Variants in KCNV2 observed in about 807,000 individuals in gnomAD.
KCNV2 encodes the protein potassium voltage-gated channel subfamily V member 2.
A neutral mutation model predicts 37.0 loss-of-function variants in KCNV2; 65 were observed. The ratio of observed to expected loss-of-function variants is 1.76; its 90% confidence interval spans 1.44 to 2.16. The LOEUF is 2.16. KCNV2 is among the 30% of genes most tolerant of loss of function. The pLI is 0.00. For synonymous variants in KCNV2, 518 were observed against 328.6 expected, an observed-to-expected ratio of 1.58 and a Z score of -6.23; for missense variants, 1,232 against 766.7, an observed-to-expected ratio of 1.61 and a Z score of -7.17.
In KCNV2 at chr9:2,717,652, C is replaced by G; in HGVS notation, c.-88C>G. 1 of 1,559,138 alleles carries G rather than the reference C, an allele frequency of 6.4e-7. No individual in the cohort carries two copies. The highest frequency in any genetic ancestry group is 8.8e-7 in the Non-Finnish European group (1 of 1,132,938). Reference sequence around the variant, plus strand: ...GGCCTCTCTAAGACAGTGCAGGCCACGTGATCCATCCTCCTAGAGGCAGTG... The same window carrying G: ...GGCCTCTCTAAGACAGTGCAGGCCAGGTGATCCATCCTCCTAGAGGCAGTG... On this transcript the variant is annotated 5_prime_UTR_variant, in exon 1 of 2. Coordinates refer to ENST00000382082, the MANE Select transcript of KCNV2 (RefSeq NM_133497.4).
chr9:2,719,093 G>T lies in KCNV2; in HGVS notation c.1354G>T (p.Ala452Ser). 6.2e-7 allele frequency: 1 copy of T among 1,608,738 alleles called. No homozygotes were observed. ...CATCCCCCACTCCTGGTGGTGGGCC[G>T]CGGTGAGTACCTTTGCCCTGGGCTT... is the stretch of plus-strand genomic sequence containing the variant. ...TTIPHSWWWA[A>S]VSISTVGYGD... is the part of the protein sequence containing the mutation. Residue 452 changes from alanine to serine, a missense_variant and splice_region_variant, in exon 1 of 2, where the codon GCG (alanine) becomes TCG (serine). Transcript: ENST00000382082.
At chr9:2,727,529 GAGA>G (rs1161660739) in intron 1 of KCNV2, among the ~76,000 whole-genome samples, 2 of 152,108 alleles carry the variant, frequency 1.3e-5, no homozygotes, top group Non-Finnish European at 2.9e-5. Context: ...CAGAAGTTGG[GAGA>G]AGGATATTCT....
intron 1 of KCNV2, among the ~76,000 whole-genome samples, chr9:2,719,708 T>C (rs985168093): frequency 1.3e-5 from 2 of 152,206 alleles, no homozygotes; most frequent in Non-Finnish European, 2.9e-5. Context: ...GATAGTGAAA[T>C]TGAAGTACAG....
intron 1 of KCNV2, among the ~76,000 whole-genome samples, chr9:2,722,713 T>G (rs979260393): frequency 6.6e-6 from 1 of 152,054 alleles, no homozygotes; most frequent in Non-Finnish European, 1.5e-5. Flanking sequence ...ATCAAGCGTT[T>G]ATTTAGCTCA....
chr9:2,719,820 T>A (rs1331429979), intron 1 of KCNV2, among the ~76,000 whole-genome samples: 1 of 152,248 alleles, frequency 6.6e-6, no homozygotes, highest in Non-Finnish European at 1.5e-5. Context: ...CCAAGCACAG[T>A]CTCTTTCAAG....
At chr9:2,723,027 G>T (rs749489542) in intron 1 of KCNV2, among the ~76,000 whole-genome samples, 16 of 152,176 alleles carry the variant, frequency 1.1e-4, no homozygotes, top group Non-Finnish European at 2.1e-4. Context: ...GGGCAGGTTA[G>T]CCCACCCACC....
chr9:2,719,135 A>T, intron 1 of KCNV2, 40 bp downstream of exon 1: 1 of 1,598,214 alleles, frequency 6.3e-7, no homozygotes, highest in Non-Finnish European at 8.5e-7. Context: ...CCTCTTCCCC[A>T]GCCCAGTGAG....
At position 2,729,646 on chromosome 9, in the gene KCNV2, C is replaced by T. The variant is rs113027780; in HGVS notation, c.1557C>T (p.Asn519=). 6.8e-6 allele frequency: 11 copies of T among 1,614,046 alleles called. No individual in the cohort carries two copies. In the African/African-American group the frequency reaches 8.0e-5, roughly 12 times the overall value. ...TACGCAGGGAGAGGGGAGAGGTGAACTTCATGCAGAGAGCCAGAAAGAAGA... is the reference window on the plus strand; with the variant it reads ...TACGCAGGGAGAGGGGAGAGGTGAATTTCATGCAGAGAGCCAGAAAGAAGA... ...TTIRRERGEV[N]FMQRARKKIA... The change falls in exon 2 of 2, where the codon AAC becomes AAT. Residue 519 remains asparagine (N), a synonymous_variant. Transcript: ENST00000382082.
In KCNV2 at chr9:2,718,341, T is replaced by G. The variant is rs761992453; in HGVS notation, c.602T>G (p.Ile201Ser). The change falls in exon 1 of 2, where the codon ATC (isoleucine) becomes AGC (serine). Residue 201 changes from isoleucine to serine, a missense_variant. Physicochemically the swap from Ile to Ser is moderately radical, Grantham distance 142. Coordinates refer to ENST00000382082, the MANE Select transcript of KCNV2 (RefSeq NM_133497.4). ...RLKYTPRCCR[I>S]CFEERRDELS... ...AAGTACACGCCACGCTGCTGCCGCA[T>G]CTGCTTCGAGGAGCGGCGCGACGAG... 3.1e-6 allele frequency: 5 copies of G among 1,603,356 alleles called. No homozygotes were observed. The highest frequency in any genetic ancestry group is 4.2e-6 in the Non-Finnish European group (5 of 1,176,690).
In KCNV2 at chr9:2,718,261, CG is replaced by C; in HGVS notation, c.525del (p.Leu176CysfsTer35). 2 of 1,612,822 alleles carry C rather than the reference CG, an allele frequency of 1.2e-6. No individual in the cohort carries two copies. The highest frequency in any genetic ancestry group is 1.7e-6 in the Non-Finnish European group (2 of 1,179,926). The stretch of plus-strand genomic sequence containing the variant: ...TGTCCGGGGTGCTGCTGGTGCTCGA[CG>C]GGCTGTGTCCGCGCCGCTTCCTGGA... ...YLSGVLLVLD[G>X]LCPRRFLEEL... On this transcript the variant is annotated frameshift_variant, in exon 1 of 2. Transcript: ENST00000382082. LOFTEE classifies it high-confidence loss of function.
At position 2,717,779 on chromosome 9, in the gene KCNV2, A is replaced by T; in HGVS notation, c.40A>T (p.Arg14Trp). Residue 14 changes from arginine to tryptophan, a missense_variant, in exon 1 of 2, where the codon AGG (arginine) becomes TGG (tryptophan). Arg to Trp is a moderately radical substitution (Grantham distance 101). Transcript: ENST00000382082. The stretch of plus-strand genomic sequence containing the variant: ...TGAGAGGAGACGGTCCTGGAGCTAC[A>T]GGCCCTGGAACACGACGGAGAATGA... ...QSERRRSWSY[R>W]PWNTTENEGS... 1.9e-6 allele frequency: 3 copies of T among 1,614,206 alleles called. No homozygotes were observed.
intron 1 of KCNV2, among the ~76,000 whole-genome samples, chr9:2,729,232 A>G (rs1586692667): frequency 6.6e-6 from 1 of 152,190 alleles, no homozygotes; most frequent in African/African-American, 2.4e-5. Context: ...GATTTCAGCC[A>G]AAGTCTTTCA....
chr9:2,722,346 T>C (rs1819890717), intron 1 of KCNV2, among the ~76,000 whole-genome samples: 2 of 138,878 alleles, frequency 1.4e-5, no homozygotes, highest in Non-Finnish European at 1.5e-5. Context: ...TATAAATAAA[T>C]TAGAAGTTAT....
At chr9:2,721,768 T>G (rs558625032) in intron 1 of KCNV2, among the ~76,000 whole-genome samples, 1 of 152,206 alleles carries the variant, frequency 6.6e-6, no homozygotes, top group African/African-American at 2.4e-5. Context: ...ATAACAAGAT[T>G]GAGAGTGATT....
Position 2,717,766 on chromosome 9 carries a change from G to C in KCNV2, c.27G>C (p.Arg9=), listed in dbSNP as rs780364598. 6.2e-7 allele frequency: 1 copy of C among 1,614,206 alleles called. No individual in the cohort carries two copies. Among genetic ancestry groups the C allele is most frequent in the Middle Eastern group, 1.6e-4 (1 of 6,062 alleles). ...TGCTCAAACAGAGTGAGAGGAGACG[G>C]TCCTGGAGCTACAGGCCCTGGAACA... MLKQSERR[R]SWSYRPWNTT... is the part of the protein sequence containing the mutation. Residue 9 remains arginine (R), a synonymous_variant, in exon 1 of 2, where the codon CGG becomes CGC. Transcript: ENST00000382082.
At chr9:2,727,556 A>G (rs1819989311) in intron 1 of KCNV2, among the ~76,000 whole-genome samples, 1 of 152,154 alleles carries the variant, frequency 6.6e-6, no homozygotes, top group South Asian at 2.1e-4. Context: ...CTGGAGCCAG[A>G]GGGCAGAGTC....
intron 1 of KCNV2, 88 bp downstream of exon 1, chr9:2,719,183 T>G (rs1275672665): frequency 1.4e-5 from 21 of 1,470,978 alleles, no homozygotes; most frequent in Middle Eastern, 2.2e-4. Flanking sequence ...CACCAGGCTT[T>G]GGCTTCTGAT....
At position 2,718,427 on chromosome 9, in the gene KCNV2, G is replaced by C. The variant is rs1179391128; in HGVS notation, c.688G>C (p.Glu230Gln). Residue 230 changes from glutamate (E) to glutamine (Q), a missense_variant, in exon 1 of 2, where the codon GAG becomes CAG. Physicochemically the swap from Glu to Gln is conservative, Grantham distance 29. Coordinates refer to ENST00000382082, the MANE Select transcript of KCNV2 (RefSeq NM_133497.4). ...LRAQAQVEEA[E>Q]ELFRDMRFYG... ...CGCGCAGGCGCAGGTCGAGGAGGCG[G>C]AGGAACTCTTCCGCGACATGCGCTT... is the stretch of plus-strand genomic sequence containing the variant. 1 of 1,605,906 alleles carries C rather than the reference G, an allele frequency of 6.2e-7. No homozygotes were observed. The highest frequency in any genetic ancestry group is 1.3e-5 in the African/African-American group (1 of 74,894).
At position 2,725,857 on chromosome 9, in the gene KCNV2, G is replaced by C. The variant is rs141133418; in HGVS notation, c.1357-3589G>C. Reference sequence around the variant, plus strand: ...GAAATCCAAGTATTCTCAAGTTTTGGAGAAAAATTTGATGCTTATCCTCAT... The same window carrying C: ...GAAATCCAAGTATTCTCAAGTTTTGCAGAAAAATTTGATGCTTATCCTCAT... On this transcript the variant is annotated intron_variant, in intron 1 of 1. Transcript: ENST00000382082. Among the ~76,000 whole-genome samples the C allele has an allele frequency of 6.6e-5, 10 of 152,244 alleles. No individual in the cohort carries two copies. The East Asian group carries it at 1.7e-3, about 26-fold the overall frequency.
Sources: allele counts gnomAD v4.1 joint callset (sites outside exome capture counted in the v4.1 genomes callset), GRCh38; gene constraint gnomAD v4.1.1; transcripts MANE v1.5; gene names NCBI Gene and HGNC (gene_info 2026-07-23, HGNC 2026-07-21).